GAS2: variants seen among roughly 807,000 people sequenced by gnomAD.
GAS2 encodes growth arrest-specific protein 2.
GAS2 carries 20 observed loss-of-function variants against 37.5 expected under a neutral mutation model. The ratio of observed to expected loss-of-function variants is 0.53; its 90% CI spans 0.37 to 0.77. The LOEUF (loss-of-function observed/expected upper bound fraction) is 0.77, where lower values mean the gene tolerates loss of function less well. GAS2 is among the 30% of genes least tolerant of loss of function. GAS2 has a pLI of 0.00. For synonymous variants in GAS2, 144 were observed against 132.2 expected (o/e 1.09, Z -0.61); for missense variants, 336 against 373.4 (o/e 0.90, Z 0.82).
At chr11:22,744,759 T>C (rs921041854) in intron 5 of GAS2, among the ~76,000 whole-genome samples, 3 of 152,204 alleles carry the variant, frequency 2.0e-5, no homozygotes, top group Admixed American at 6.6e-5. Context: ...GAGACAAGGA[T>C]GCCTACTCTC....
At chr11:22,756,382 T>C (rs1200130560) in intron 7 of GAS2, among the ~76,000 whole-genome samples, 2 of 152,170 alleles carry the variant, frequency 1.3e-5, no homozygotes, top group Non-Finnish European at 2.9e-5. Flanking sequence ...TGCTGCTTTA[T>C]GGTTTAGTCA....
At chr11:22,739,680 C>G (rs1467837016) in intron 5 of GAS2, among the ~76,000 whole-genome samples, 1 of 149,850 alleles carries the variant, frequency 6.7e-6, no homozygotes, top group Admixed American at 6.7e-5. Context: ...AGGAAATGTT[C>G]AAGTAAAAGA....
chr11:22,804,245 G>A (rs1856793429), intron 7 of GAS2, among the ~76,000 whole-genome samples: 1 of 152,052 alleles, frequency 6.6e-6, no homozygotes, highest in African/African-American at 2.4e-5. Context: ...TGTTAGAATG[G>A]CAAAACTTAA....
intron 1 of GAS2, among the ~76,000 whole-genome samples, chr11:22,639,703 T>C (rs1331066124): frequency 2.6e-5 from 4 of 152,204 alleles, no homozygotes; most frequent in Non-Finnish European, 5.9e-5. Flanking sequence ...TTAAAAAATA[T>C]TAAATTTATG....
At chr11:22,652,382 C>T (rs917323075) in intron 1 of GAS2, among the ~76,000 whole-genome samples, 3 of 152,344 alleles carry the variant, frequency 2.0e-5, no homozygotes, top group Middle Eastern at 3.4e-3. Context: ...TTGTTTATCT[C>T]TGCCCTGCCC....
intron 3 of GAS2, among the ~76,000 whole-genome samples, chr11:22,714,182 A>T (rs928489550): frequency 6.6e-6 from 1 of 152,186 alleles, no homozygotes; most frequent in Admixed American, 6.5e-5. Flanking sequence ...GTAGAAAAAG[A>T]TATTCCATGC....
intron 7 of GAS2, among the ~76,000 whole-genome samples, chr11:22,766,596 T>C (rs771599991): frequency 6.6e-6 from 1 of 152,170 alleles, no homozygotes; most frequent in African/African-American, 2.4e-5. Flanking sequence ...CCAATTCCTA[T>C]TCTAGAGTCA....
chr11:22,632,632 C>T (rs999616704), intron 1 of GAS2, among the ~76,000 whole-genome samples: 1 of 152,134 alleles, frequency 6.6e-6, no homozygotes, highest in Non-Finnish European at 1.5e-5. Flanking sequence ...TAATTATTCC[C>T]TCAAATAAAT....
chr11:22,785,493 A>G (rs1376873392), intron 7 of GAS2, among the ~76,000 whole-genome samples: 1 of 152,124 alleles, frequency 6.6e-6, no homozygotes, highest in Non-Finnish European at 1.5e-5. Context: ...CAAGAACAAT[A>G]TTACATACAG....
At chr11:22,651,153 T>G (rs1292262059) in intron 1 of GAS2, among the ~76,000 whole-genome samples, 5 of 151,230 alleles carry the variant, frequency 3.3e-5, no homozygotes, top group African/African-American at 4.8e-5. Context: ...ATCTGTAAAG[T>G]ATTTTATTTC....
intron 1 of GAS2, among the ~76,000 whole-genome samples, chr11:22,637,733 AATTATTT>A (rs1565061135): frequency 7.0e-6 from 1 of 142,190 alleles, no homozygotes; most frequent in African/African-American, 2.6e-5. Context: ...TAGTAATAAT[AATTATTT>A]ATATTTAAAT....
chr11:22,796,362 G>A (rs1172905841), intron 7 of GAS2, among the ~76,000 whole-genome samples: 1 of 152,040 alleles, frequency 6.6e-6, no homozygotes, highest in Admixed American at 6.6e-5. Context: ...GCCATTTCAA[G>A]CTTTAGTTCC....
intron 1 of GAS2, among the ~76,000 whole-genome samples, chr11:22,673,811 C>T (rs565168882): frequency 1.3e-4 from 20 of 152,318 alleles, no homozygotes; most frequent in African/African-American, 4.8e-4. Flanking sequence ...AATACCTTTT[C>T]TACAACCCAA....
In GAS2 at chr11:22,726,661, A is replaced by G. The variant is rs531521440; in HGVS notation, c.409+228A>G. Among the ~76,000 whole-genome samples, 16 of 152,256 alleles carry G rather than the reference A, an allele frequency of 1.1e-4. No individual in the cohort carries two copies. In the South Asian group the frequency reaches 1.9e-3, roughly 18 times the overall value. ...GTTACCTCATGGATACAAGAATAGAAACAGAAGTAGCAGAATTCTTTCCAA... is the reference window on the plus strand; with the variant it reads ...GTTACCTCATGGATACAAGAATAGAGACAGAAGTAGCAGAATTCTTTCCAA... On this transcript the variant is annotated intron_variant, in intron 4 of 7. Coordinates refer to ENST00000454584, the MANE Select transcript of GAS2 (RefSeq NM_001143830.3).
chr11:22,666,749 C>G lies in GAS2; in HGVS notation c.-171C>G, dbSNP rs374005920. 4.6e-5 allele frequency: 7 copies of G among 152,530 alleles called. No individual in the cohort carries two copies. Among genetic ancestry groups the G allele is most frequent in the East Asian group, 3.8e-4 (2 of 5,206 alleles). 9.4% of individuals were successfully genotyped at this position (152,530 alleles called of 1,614,324 possible). A position where few individuals can be genotyped will look rare whatever the true frequency, so the allele number is the denominator to read the frequency against. ...ATGAAGAGGGGTAGTGCGGCTGTAG[C>G]TGCTGCCGCTGCCGCCAGGCTGGTG... On this transcript the variant is annotated 5_prime_UTR_variant, in exon 1 of 8. Transcript: ENST00000454584.
chr11:22,743,804 A>T (rs932127274), intron 5 of GAS2, among the ~76,000 whole-genome samples: 3 of 152,200 alleles, frequency 2.0e-5, no homozygotes, highest in Non-Finnish European at 4.4e-5. Flanking sequence ...TCAGAGCATA[A>T]CTGAAGAAAA....
chr11:22,794,754 A>G (rs1856346695), intron 7 of GAS2, among the ~76,000 whole-genome samples: 1 of 152,192 alleles, frequency 6.6e-6, no homozygotes, highest in African/African-American at 2.4e-5. Flanking sequence ...AGGTCCCCTT[A>G]GAGAAGGGTA....
chr11:22,705,300 T>A (rs1851058423), intron 3 of GAS2, among the ~76,000 whole-genome samples: 1 of 152,164 alleles, frequency 6.6e-6, no homozygotes, highest in Non-Finnish European at 1.5e-5. Flanking sequence ...TTCTAGCTTC[T>A]TAGAGTATTA....
At chr11:22,663,129 T>C (rs1457457321), upstream of GAS2, among the ~76,000 whole-genome samples, 1 of 152,116 alleles carries the variant, frequency 6.6e-6, no homozygotes, top group African/African-American at 2.4e-5. Flanking sequence ...AGTGCCACCC[T>C]TTTAAAACCA....
Sources: allele counts gnomAD v4.1 joint callset (sites outside exome capture counted in the v4.1 genomes callset), GRCh38; gene constraint gnomAD v4.1.1; transcripts MANE v1.5; gene names NCBI Gene and HGNC (gene_info 2026-07-23, HGNC 2026-07-21).